Variants in GFRAL observed in about 807,000 individuals in gnomAD.
The protein encoded by GFRAL is GDNF family receptor alpha like.
GFRAL carries 36 observed loss-of-function variants against 45.4 expected under a neutral mutation model. That is an observed-to-expected ratio of 0.79 (90% CI 0.61 to 1.05). The LOEUF is 1.05. Ranked by LOEUF, GFRAL falls within the 50% of genes least tolerant of loss-of-function variation. The probability of loss-of-function intolerance (pLI) is 0.00; values close to 1 mark genes in which losing one functional copy is unlikely to be tolerated. For synonymous variants in GFRAL, 166 were observed against 154.1 expected, an observed-to-expected ratio of 1.08 and a Z score of -0.57; for missense variants, 507 against 467.5, an observed-to-expected ratio of 1.08 and a Z score of -0.78.
At chr6:55,363,685 G>T (rs1768311988) in intron 6 of GFRAL, among the ~76,000 whole-genome samples, 1 of 148,818 alleles carries the variant, frequency 6.7e-6, no homozygotes, top group African/African-American at 2.5e-5. Context: ...AGAATATGCG[G>T]TGTTTGGTTT....
At chr6:55,362,276 A>G (rs1345703644) in intron 6 of GFRAL, among the ~76,000 whole-genome samples, 3 of 104,954 alleles carry the variant, frequency 2.9e-5, no homozygotes, top group African/African-American at 1.3e-4. Flanking sequence ...ATGATAATGA[A>G]AAAAAAAAAA....
At chr6:55,338,961 G>A (rs571945607) in intron 3 of GFRAL, among the ~76,000 whole-genome samples, 9 of 152,090 alleles carry the variant, frequency 5.9e-5, no homozygotes, top group Admixed American at 3.3e-4. Flanking sequence ...AGGCAATAAC[G>A]TAGAGAGGAT....
At chr6:55,355,140 A>G (rs1158410138) in intron 5 of GFRAL, among the ~76,000 whole-genome samples, 3 of 151,844 alleles carry the variant, frequency 2.0e-5, no homozygotes, top group Non-Finnish European at 2.9e-5. Flanking sequence ...TTCTCTATAT[A>G]TTGTTTTTGT....
At chr6:55,395,177 T>A (rs202145265) in intron 6 of GFRAL, among the ~76,000 whole-genome samples, 3,675 of 90,326 alleles carry the variant, frequency 0.041, 90 homozygotes, top group Non-Finnish European at 0.055. Context: ...AAAAAAAAAA[T>A]ATATATATAT....
At chr6:55,340,303 A>T (rs1209608344) in intron 3 of GFRAL, among the ~76,000 whole-genome samples, 1 of 152,208 alleles carries the variant, frequency 6.6e-6, no homozygotes, top group Non-Finnish European at 1.5e-5. Flanking sequence ...GTACACAGAC[A>T]TGCACTTTTC....
chr6:55,385,844 C>T (rs1022819902), intron 6 of GFRAL, among the ~76,000 whole-genome samples: 2 of 151,990 alleles, frequency 1.3e-5, no homozygotes, highest in Non-Finnish European at 2.9e-5. Flanking sequence ...TTATCTTCTC[C>T]CTAGAGCTCA....
At chr6:55,385,390 C>T (rs1431063370) in intron 6 of GFRAL, among the ~76,000 whole-genome samples, 1 of 152,030 alleles carries the variant, frequency 6.6e-6, no homozygotes, top group African/African-American at 2.4e-5. Flanking sequence ...ACTTGTCTTT[C>T]GTTTGCTCGA....
At chr6:55,340,909 T>C (rs925118190) in intron 3 of GFRAL, among the ~76,000 whole-genome samples, 6 of 152,184 alleles carry the variant, frequency 3.9e-5, no homozygotes, top group Non-Finnish European at 8.8e-5. Flanking sequence ...CCCACGCCCA[T>C]GGAGCCTCGC....
chr6:55,327,714 G>A, intron 1 of GFRAL, 138 bp downstream of exon 1: 2 of 741,546 alleles, frequency 2.7e-6, no homozygotes, highest in Non-Finnish European at 4.4e-6. Flanking sequence ...GCTTTAACAT[G>A]GTTTATTCTT....
At chr6:55,352,221 G>T (rs544582718) in intron 5 of GFRAL, among the ~76,000 whole-genome samples, 1 of 152,122 alleles carries the variant, frequency 6.6e-6, no homozygotes, top group East Asian at 1.9e-4. Context: ...ACAGGCTCAA[G>T]CCACTCCACA....
At chr6:55,368,927 C>T (rs943277721) in intron 6 of GFRAL, among the ~76,000 whole-genome samples, 4 of 152,122 alleles carry the variant, frequency 2.6e-5, no homozygotes, top group African/African-American at 9.7e-5. Context: ...GAGGTGGAGC[C>T]TACAGAGGCA....
At chr6:55,327,804 T>A (rs530753897) in intron 1 of GFRAL, among the ~76,000 whole-genome samples, 5 of 152,190 alleles carry the variant, frequency 3.3e-5, no homozygotes, top group African/African-American at 1.2e-4. Context: ...TGTATTAATC[T>A]CTCAGCTTGT....
intron 6 of GFRAL, among the ~76,000 whole-genome samples, chr6:55,392,741 G>A (rs192136391): frequency 1.0e-3 from 159 of 152,156 alleles, no homozygotes; most frequent in Middle Eastern, 3.4e-3. Flanking sequence ...GAGGGTGGGA[G>A]GAGGGAGAGG....
intron 2 of GFRAL, 81 bp from the exon 3 acceptor site, chr6:55,333,705 T>G: frequency 2.5e-6 from 2 of 786,170 alleles, no homozygotes; most frequent in Non-Finnish European, 1.9e-6. Flanking sequence ...TTCAGGTTAA[T>G]ATGTTAAAAG....
At chr6:55,369,302 C>T (rs1460839235) in intron 6 of GFRAL, among the ~76,000 whole-genome samples, 1 of 152,212 alleles carries the variant, frequency 6.6e-6, no homozygotes, top group African/African-American at 2.4e-5. Flanking sequence ...TGCTTCGGCT[C>T]ACGCAAGGTG....
At chr6:55,344,945 T>C (rs898218905) in intron 3 of GFRAL, among the ~76,000 whole-genome samples, 16 of 151,994 alleles carry the variant, frequency 1.1e-4, no homozygotes, top group African/African-American at 3.6e-4. Flanking sequence ...TTCACAATTG[T>C]TTCAAAGAGA....
intron 2 of GFRAL, among the ~76,000 whole-genome samples, chr6:55,332,835 A>G (rs956607601): frequency 6.6e-6 from 1 of 152,150 alleles, no homozygotes; most frequent in Non-Finnish European, 1.5e-5. Flanking sequence ...ATAGAATAGT[A>G]TAAACTACAA....
intron 6 of GFRAL, among the ~76,000 whole-genome samples, chr6:55,386,643 A>G (rs77369507): frequency 0.034 from 5,185 of 152,196 alleles, 110 homozygotes; most frequent in Admixed American, 0.046. Flanking sequence ...TAAGATTTCA[A>G]CCAGATACTC....
At chr6:55,393,252 T>C (rs1768778224) in intron 6 of GFRAL, among the ~76,000 whole-genome samples, 1 of 152,184 alleles carries the variant, frequency 6.6e-6, no homozygotes, top group African/African-American at 2.4e-5. Flanking sequence ...TGCCACTATA[T>C]TATGTCAAAA....
Sources: allele counts gnomAD v4.1 joint callset (sites outside exome capture counted in the v4.1 genomes callset), GRCh38; gene constraint gnomAD v4.1.1; transcripts MANE v1.5; gene names NCBI Gene and HGNC (gene_info 2026-07-23, HGNC 2026-07-21).